The following TRPM3 variants were observed in gnomAD, a reference collection of about 807,000 sequenced individuals.
The protein encoded by TRPM3 is transient receptor potential cation channel subfamily M member 3, also known as long transient receptor potential channel 3.
TRPM3 carries 77 observed loss-of-function variants against 181.2 expected under a neutral mutation model. The ratio of observed to expected loss-of-function variants is 0.42; its 90% CI spans 0.35 to 0.51. The LOEUF (loss-of-function observed/expected upper bound fraction) is 0.51. Ranked by LOEUF, TRPM3 falls within the 20% of genes least tolerant of loss-of-function variation. TRPM3 has a pLI of 0.01. For synonymous variants in TRPM3, 745 were observed against 796.4 expected (o/e 0.94, Z 1.09); for missense variants, 1,759 against 2,196.7 (o/e 0.80, Z 3.98).
chr9:71,112,819 A>G (rs1484227512), intron 1 of TRPM3, among the ~76,000 whole-genome samples: 1 of 152,220 alleles, frequency 6.6e-6, no homozygotes, highest in Non-Finnish European at 1.5e-5. Flanking sequence ...TATCTAGCTT[A>G]GAGGATTCAG....
intron 1 of TRPM3, among the ~76,000 whole-genome samples, chr9:70,923,807 T>A (rs12339125): frequency 0.18 from 22,666 of 128,092 alleles, 1,939 homozygotes; most frequent in African/African-American, 0.26. Context: ...ACACACACTC[T>A]CTCTCTCTCT....
chr9:70,869,476 G>C (rs2095740911), intron 1 of TRPM3, among the ~76,000 whole-genome samples: 1 of 151,904 alleles, frequency 6.6e-6, no homozygotes, highest in Non-Finnish European at 1.5e-5. Context: ...GATCCTAGTG[G>C]TTGGAGCACA....
chr9:70,663,623 C>T (rs1443767240), intron 9 of TRPM3, among the ~76,000 whole-genome samples: 1 of 151,968 alleles, frequency 6.6e-6, no homozygotes, highest in African/African-American at 2.4e-5. Context: ...CTACTTCTAC[C>T]ATATTTTAAG....
At chr9:71,138,138 A>AG (rs1388122018) in intron 1 of TRPM3, among the ~76,000 whole-genome samples, 2 of 152,072 alleles carry the variant, frequency 1.3e-5, no homozygotes, top group Non-Finnish European at 2.9e-5. Flanking sequence ...GAAAAAAAAA[A>AG]GACGATGCTG....
intron 1 of TRPM3, among the ~76,000 whole-genome samples, chr9:71,415,942 T>A (rs994051064): frequency 2.6e-5 from 4 of 151,976 alleles, no homozygotes; most frequent in African/African-American, 9.7e-5. Flanking sequence ...AGAAAAATAT[T>A]GAATTTCTAC....
intron 1 of TRPM3, among the ~76,000 whole-genome samples, chr9:71,110,754 A>AT (rs912618236): frequency 1.3e-5 from 2 of 152,192 alleles, no homozygotes; most frequent in African/African-American, 4.8e-5. Flanking sequence ...CTGAAATTCC[A>AT]TTTTTTGTCC....
At chr9:71,339,154 AC>A (rs2090780813) in intron 1 of TRPM3, among the ~76,000 whole-genome samples, 1 of 152,134 alleles carries the variant, frequency 6.6e-6, no homozygotes, top group Non-Finnish European at 1.5e-5. Context: ...CCCTTTATGA[AC>A]AAAATTATAA....
chr9:71,303,523 G>A (rs981744562), intron 1 of TRPM3, among the ~76,000 whole-genome samples: 1 of 152,184 alleles, frequency 6.6e-6, no homozygotes, highest in African/African-American at 2.4e-5. Context: ...ATACATGCGT[G>A]AGCAATCCCC....
chr9:71,133,965 GTGTGTGTT>G (rs1418327326), intron 1 of TRPM3, among the ~76,000 whole-genome samples: 15 of 92,688 alleles, frequency 1.6e-4, no homozygotes, highest in Non-Finnish European at 2.6e-4. Flanking sequence ...TATCTAAACT[GTGTGTGTT>G]TGTGTGTGTG....
chr9:71,015,422 G>A (rs996078960), intron 1 of TRPM3, among the ~76,000 whole-genome samples: 13 of 152,114 alleles, frequency 8.5e-5, no homozygotes, highest in Admixed American at 8.5e-4. Flanking sequence ...GCCAGGGGTT[G>A]GAATAATTTC....
At chr9:70,762,004 T>C (rs2078237203) in intron 7 of TRPM3, among the ~76,000 whole-genome samples, 1 of 152,184 alleles carries the variant, frequency 6.6e-6, no homozygotes, top group Non-Finnish European at 1.5e-5. Context: ...TAATGCCCTT[T>C]TCCTCAAGTT....
intron 7 of TRPM3, among the ~76,000 whole-genome samples, chr9:70,783,080 A>G (rs914562536): frequency 2.6e-5 from 4 of 152,116 alleles, no homozygotes; most frequent in African/African-American, 9.7e-5. Flanking sequence ...AGGTGAGCTC[A>G]CTTGTATTTT....
intron 5 of TRPM3, among the ~76,000 whole-genome samples, chr9:70,839,848 A>G (rs1300846072): frequency 3.3e-5 from 5 of 152,140 alleles, no homozygotes; most frequent in Admixed American, 3.3e-4. Context: ...TTTCTCTGCT[A>G]CCTGATGTCT....
rs1398031517 is a variant in TRPM3, at chr9:71,351,870, G to GTTTTTTTTTTTTT, written c.183+94782_183+94783insAAAAAAAAAAAAA. Among the ~76,000 whole-genome samples the GTTTTTTTTTTTTT allele has an allele frequency of 2.0e-4, 19 of 95,674 alleles. 1 individual carries two copies. Among genetic ancestry groups the GTTTTTTTTTTTTT allele is most frequent in the Non-Finnish European group, 2.8e-4 (13 of 46,764 alleles). The allele number at this position is 95,674 out of a possible 152,430, so 62.8% of individuals were successfully genotyped here. ...ATGGGAAGTTTTTGTTTGTTTGTTT[G>GTTTTTTTTTTTTT]TTTTTGTTTTTTTTTTTTTTTTTGA... On this transcript the variant is annotated intron_variant, in intron 1 of 24. Coordinates refer to the TRPM3 transcript ENST00000357533.
At chr9:71,107,106 A>T (rs972387) in intron 1 of TRPM3, among the ~76,000 whole-genome samples, 51,206 of 152,004 alleles carry the variant, frequency 0.34, 11,385 homozygotes, top group African/African-American at 0.64. Flanking sequence ...GTTAAACAAG[A>T]ATGAGCTGTA....
chr9:70,769,469 G>A (rs571537991), intron 7 of TRPM3, among the ~76,000 whole-genome samples: 3 of 151,990 alleles, frequency 2.0e-5, no homozygotes, highest in South Asian at 2.1e-4. Flanking sequence ...TATATTGCAC[G>A]TTTCTGAGCT....
chr9:70,768,157 C>A (rs1347264920), intron 7 of TRPM3, among the ~76,000 whole-genome samples: 1 of 152,164 alleles, frequency 6.6e-6, no homozygotes, highest in Admixed American at 6.5e-5. Flanking sequence ...TTTGAATTTT[C>A]TCTTCTAACA....
intron 1 of TRPM3, among the ~76,000 whole-genome samples, chr9:71,393,882 T>C (rs2093125192): frequency 6.6e-6 from 1 of 152,190 alleles, no homozygotes; most frequent in Non-Finnish European, 1.5e-5. Flanking sequence ...TTTTCCCATA[T>C]TTGAAAGAAA....
At chr9:70,564,605 G>A (rs1049898278) in intron 22 of TRPM3, among the ~76,000 whole-genome samples, 3 of 152,162 alleles carry the variant, frequency 2.0e-5, no homozygotes, top group Non-Finnish European at 4.4e-5. Flanking sequence ...TTCAAGAGGG[G>A]CCTTCTTAGG....
Sources: gnomAD v4.1 joint callset for allele counts (sites outside exome capture counted in the v4.1 genomes callset) on GRCh38, gnomAD v4.1.1 for gene constraint, MANE v1.5 for transcripts, NCBI Gene and HGNC (gene_info 2026-07-23, HGNC 2026-07-21) for gene names.